Variants in STK25 observed in about 807,000 individuals in gnomAD.
The protein encoded by STK25 is serine/threonine-protein kinase 25.
A neutral mutation model predicts 53.8 loss-of-function variants in STK25; 29 were observed. The ratio of observed to expected loss-of-function variants is 0.54; its 90% CI spans 0.40 to 0.74. The LOEUF is 0.74. STK25 is among the 30% of genes least tolerant of loss of function. The probability of loss-of-function intolerance (pLI) is 0.00; values close to 1 mark genes in which losing one functional copy is unlikely to be tolerated. For synonymous variants in STK25, 247 were observed against 238.3 expected (o/e 1.04, Z -0.33); for missense variants, 420 against 568.0 (o/e 0.74, Z 2.65).
chr2:241,496,559 C>T lies in STK25; in HGVS notation c.1105-25G>A. 1 of 1,607,496 alleles carries T rather than the reference C, an allele frequency of 6.2e-7. No individual in the cohort carries two copies. The highest frequency in any genetic ancestry group is 8.5e-7 in the Non-Finnish European group (1 of 1,175,752). On this transcript the variant is annotated intron_variant, in intron 10 of 11. Coordinates refer to ENST00000316586, the MANE Select transcript of STK25 (RefSeq NM_001271977.2). This position sits in a 1 kb window ranked among gnomAD's most constrained non-coding sequence, Gnocchi z 5.8. ...GCTGTGAAAAGACCACCACGCCTGA[C>T]CCTGGACCCCAGGACAGGCCTTCAG...
chr2:241,492,941 G>A lies in STK25; in HGVS notation c.*2721C>T. 6.2e-7 allele frequency: 1 copy of A among 1,606,944 alleles called. No homozygotes were observed. The highest frequency in any genetic ancestry group is 8.5e-7 in the Non-Finnish European group (1 of 1,173,500). On this transcript the variant is annotated 3_prime_UTR_variant, in exon 12 of 12. Coordinates refer to ENST00000316586, the MANE Select transcript of STK25 (RefSeq NM_001271977.2). ...CCTTTATTGACAGAACCAGCTTTCA[G>A]GATATCTGCTAAGAAAGTTCAAAAA...
upstream of STK25, chr2:241,508,789 C>G: frequency 1.0e-6 from 1 of 979,054 alleles, no homozygotes; most frequent in Non-Finnish European, 1.2e-6. Flanking sequence ...AAGGTTTGGA[C>G]TGCGTCTCCC....
Position 241,494,134 on chromosome 2 carries a change from C to T in STK25, c.*1528G>A. Reference sequence around the variant, plus strand: ...GGGGGAAGGAGGAATGACGCTCAACCTGCCCAGGTTTGGACACAACTACAA... The same window carrying T: ...GGGGGAAGGAGGAATGACGCTCAACTTGCCCAGGTTTGGACACAACTACAA... On this transcript the variant is annotated 3_prime_UTR_variant, in exon 12 of 12. Transcript: ENST00000316586. This position sits in a 1 kb window ranked among gnomAD's most constrained non-coding sequence, Gnocchi z 4.9. 6.9e-6 allele frequency: 10 copies of T among 1,457,520 alleles called. No individual in the cohort carries two copies. Among genetic ancestry groups the T allele is most frequent in the Admixed American group, 2.8e-5 (1 of 35,388 alleles). The allele number at this position is 1,457,520 out of a possible 1,614,324, so 90.3% of individuals were successfully genotyped here. A position where few individuals can be genotyped will look rare whatever the true frequency, so the allele number is the denominator to read the frequency against.
Position 241,501,819 on chromosome 2 carries a change from C to A in STK25, c.31-111G>T. On this transcript the variant is annotated intron_variant, in intron 2 of 11. Transcript: ENST00000316586. This position sits in a 1 kb window ranked among gnomAD's most constrained non-coding sequence, Gnocchi z 5.3. ...AGGGACCTGTAGGGAAGGGGGAGTC[C>A]AAGGGAGCGCACCTCAATTCTTCTC... 1.4e-6 allele frequency: 1 copy of A among 704,474 alleles called. No homozygotes were observed. Among genetic ancestry groups the A allele is most frequent in the South Asian group, 1.8e-5 (1 of 56,370 alleles). 43.6% of individuals were successfully genotyped at this position (704,474 alleles called of 1,614,324 possible).
At position 241,493,708 on chromosome 2, in the gene STK25, C is replaced by T; in HGVS notation, c.*1954G>A. 1 of 526,386 alleles carries T rather than the reference C, an allele frequency of 1.9e-6. No homozygotes were observed. 32.6% of individuals were successfully genotyped at this position (526,386 alleles called of 1,614,324 possible). On this transcript the variant is annotated 3_prime_UTR_variant, in exon 12 of 12. Coordinates refer to ENST00000316586, the MANE Select transcript of STK25 (RefSeq NM_001271977.2). ...CTCCAGGGTTCAAGCGATTCTTCTG[C>T]CTCAGCCTCCTGAGTAACTGAGATT...
At chr2:241,507,870 C>A in intron 2 of STK25, 136 bp downstream of exon 2, 1 of 924,676 alleles carries the variant, frequency 1.1e-6, no homozygotes, top group Non-Finnish European at 1.6e-6. Flanking sequence ...CAGGACGGCT[C>A]CGCTGGTCGC....
upstream of STK25, chr2:241,508,654 AC>A: frequency 4.1e-6 from 4 of 985,728 alleles, no homozygotes; most frequent in Non-Finnish European, 4.8e-6. Context: ...CCCGAGTCCC[AC>A]CGCCCACTCC....
At chr2:241,498,910 G>A (rs750029275) in intron 7 of STK25, 79 bp downstream of exon 7, 8 of 1,609,250 alleles carry the variant, frequency 5.0e-6, no homozygotes, top group African/African-American at 1.3e-5. Context: ...CTGGGCCTCC[G>A]GGCTGTGCCG....
In STK25 at chr2:241,498,909, C is replaced by T. The variant is rs573423993; in HGVS notation, c.771+80G>A. On this transcript the variant is annotated intron_variant, in intron 7 of 11. Coordinates refer to ENST00000316586, the MANE Select transcript of STK25 (RefSeq NM_001271977.2). ...TACAAGGCTGGTGGGCCTGGGCCTC[C>T]GGGCTGTGCCGCCCACCCCAAGCGA... is the stretch of plus-strand genomic sequence containing the variant. 56 of 1,608,110 alleles carry T rather than the reference C, an allele frequency of 3.5e-5. No homozygotes were observed. In the East Asian group the frequency reaches 6.7e-4, roughly 19 times the overall value.
chr2:241,498,181 C>T (rs1346179508), intron 9 of STK25, 54 bp downstream of exon 9: 16 of 1,525,668 alleles, frequency 1.0e-5, no homozygotes. Flanking sequence ...CGCATCCAGC[C>T]CATCCCACGG....
chr2:241,492,869 C>A lies in STK25; in HGVS notation c.*2793G>T. 1.0e-6 allele frequency: 1 copy of A among 981,216 alleles called. No homozygotes were observed. The highest frequency in any genetic ancestry group is 1.6e-6 in the Non-Finnish European group (1 of 609,484). The allele number at this position is 981,216 out of a possible 1,614,324, so 60.8% of individuals were successfully genotyped here. On this transcript the variant is annotated 3_prime_UTR_variant, in exon 12 of 12. Transcript: ENST00000316586. Reference sequence around the variant, plus strand: ...GAGGCTTAGTCTTGGGGAGCAAACCCACTCCCACAAGGGGTCCTGGGTGCT... The same window carrying A: ...GAGGCTTAGTCTTGGGGAGCAAACCAACTCCCACAAGGGGTCCTGGGTGCT...
chr2:241,496,505 C>T lies in STK25; in HGVS notation c.1134G>A (p.Gly378=). 2 of 1,613,666 alleles carry T rather than the reference C, an allele frequency of 1.2e-6. No homozygotes were observed. The highest frequency in any genetic ancestry group is 2.2e-5 in the South Asian group (2 of 91,076). The change falls in exon 11 of 12, where the codon GGG becomes GGA. Residue 378 remains glycine, a synonymous_variant. Transcript: ENST00000316586. This position sits in a 1 kb window ranked among gnomAD's most constrained non-coding sequence, Gnocchi z 5.8. ...CCAGCTCCTCCAGCGCACCCACGCT[C>T]CCGCCGCTCTGCTTGTGCTTCTCTT... ...ELKEKHKQSG[G]SVGALEELEN... is the part of the protein sequence containing the mutation.
At position 241,501,430 on chromosome 2, in the gene STK25, G is replaced by C. The variant is rs2065505330; in HGVS notation, c.261+48C>G. 5 of 1,568,676 alleles carry C rather than the reference G, an allele frequency of 3.2e-6. No homozygotes were observed. The Admixed American group carries it at 8.7e-5, about 27-fold the overall frequency. ...CACTCAGTCCCTCTGACATGGAAGAGAGCCGGGCACAGCACCAGCAGGGTC... is the reference window on the plus strand; with the variant it reads ...CACTCAGTCCCTCTGACATGGAAGACAGCCGGGCACAGCACCAGCAGGGTC... On this transcript the variant is annotated intron_variant, in intron 3 of 11. Coordinates refer to ENST00000316586, the MANE Select transcript of STK25 (RefSeq NM_001271977.2). The surrounding 1 kb of genome is among the most constrained non-coding windows in gnomAD (Gnocchi z 5.3).
At chr2:241,508,836 C>G (rs532640628), upstream of STK25, 80 of 816,772 alleles carry the variant, frequency 9.8e-5, no homozygotes, top group Non-Finnish European at 1.2e-4. Flanking sequence ...GGCACGTGGT[C>G]GTTGTCGCGT....
At position 241,496,976 on chromosome 2, in the gene STK25, G is replaced by T. The variant is rs1356010310; in HGVS notation, c.1105-442C>A. Among the ~76,000 whole-genome samples, 1 of 152,232 alleles carries T rather than the reference G, an allele frequency of 6.6e-6. No homozygotes were observed. The highest frequency in any genetic ancestry group is 1.5e-5 in the Non-Finnish European group (1 of 68,044). On this transcript the variant is annotated intron_variant, in intron 10 of 11. Coordinates refer to ENST00000316586, the MANE Select transcript of STK25 (RefSeq NM_001271977.2). This position sits in a 1 kb window ranked among gnomAD's most constrained non-coding sequence, Gnocchi z 5.8. Reference sequence around the variant, plus strand: ...TGTCACCGGGTGTCACCCACCCTCGGGGGGCTGTGGCTGGATCAGCAGGCT... The same window carrying T: ...TGTCACCGGGTGTCACCCACCCTCGTGGGGCTGTGGCTGGATCAGCAGGCT...
chr2:241,492,775 G>A lies in STK25; in HGVS notation c.*2887C>T, dbSNP rs1296247417. ...TTTAACATGCTTCTGTTGGACTTAA[G>A]TACTGATAAAGCTGCTGTTCATAGC... is the stretch of plus-strand genomic sequence containing the variant. On this transcript the variant is annotated 3_prime_UTR_variant, in exon 12 of 12. Coordinates refer to ENST00000316586, the MANE Select transcript of STK25 (RefSeq NM_001271977.2). The A allele has an allele frequency of 1.7e-6, 1 of 581,368 alleles. No homozygotes were observed. Among genetic ancestry groups the A allele is most frequent in the Non-Finnish European group, 3.1e-6 (1 of 324,750 alleles). 36.0% of individuals were successfully genotyped at this position (581,368 alleles called of 1,614,324 possible). A position where few individuals can be genotyped will look rare whatever the true frequency, so the allele number is the denominator to read the frequency against.
At chr2:241,502,501 G>T (rs1378328197) in intron 2 of STK25, among the ~76,000 whole-genome samples, 1 of 152,138 alleles carries the variant, frequency 6.6e-6, no homozygotes, top group Non-Finnish European at 1.5e-5. Context: ...ACTCTGGGAG[G>T]CCAAGGCGGG....
chr2:241,506,064 G>A (rs1430252036), intron 2 of STK25, among the ~76,000 whole-genome samples: 1 of 152,240 alleles, frequency 6.6e-6, no homozygotes, highest in Non-Finnish European at 1.5e-5. Context: ...ACAGTGCTCT[G>A]GCACCCCACA....
chr2:241,508,080 C>G lies in STK25; in HGVS notation c.-45G>C. 1 of 1,575,534 alleles carries G rather than the reference C, an allele frequency of 6.3e-7. No homozygotes were observed. The highest frequency in any genetic ancestry group is 8.6e-7 in the Non-Finnish European group (1 of 1,162,550). On this transcript the variant is annotated 5_prime_UTR_variant, in exon 2 of 12. Transcript: ENST00000316586. ...CTCCGCCAGCAGCCCCAGGAGGCGT[C>G]TGGATCCCGCGGAGAGGCGCGGAGC...
Sources: gnomAD v4.1 joint callset for allele counts (sites outside exome capture counted in the v4.1 genomes callset) on GRCh38, gnomAD v4.1.1 for gene constraint, Gnocchi (gnomAD v3.1) non-coding constraint, MANE v1.5 for transcripts, NCBI Gene and HGNC (gene_info 2026-07-23, HGNC 2026-07-21) for gene names.